Variants in CHN2 observed in about 807,000 individuals in gnomAD.
CHN2 encodes beta-chimaerin.
Under a neutral mutation model 56.3 loss-of-function variants are expected in CHN2, and 35 were observed. The observed-to-expected ratio is 0.62, with a 90% CI of 0.47 to 0.82. The LOEUF is 0.82. Among genes scored for constraint, CHN2 ranks in the 40% least tolerant of loss-of-function variants. The pLI is 0.00. For synonymous variants in CHN2, 210 were observed against 212.8 expected, an observed-to-expected ratio of 0.99 and a Z score of 0.12; for missense variants, 491 against 580.5, an observed-to-expected ratio of 0.85 and a Z score of 1.58.
intron 3 of CHN2, among the ~76,000 whole-genome samples, chr7:29,370,721 A>C (rs1285901235): frequency 1.3e-5 from 2 of 152,154 alleles, no homozygotes; most frequent in East Asian, 3.9e-4. Flanking sequence ...GTGTGCAATT[A>C]GAGAGATGTG....
At chr7:29,355,497 A>G (rs1203480161) in intron 2 of CHN2, among the ~76,000 whole-genome samples, 1 of 152,078 alleles carries the variant, frequency 6.6e-6, no homozygotes, top group East Asian at 1.9e-4. Context: ...GCAGGCGGCT[A>G]TCATTGCCTA....
intron 6 of CHN2, among the ~76,000 whole-genome samples, chr7:29,456,345 G>T (rs1390004909): frequency 6.6e-6 from 1 of 152,202 alleles, no homozygotes; most frequent in Admixed American, 6.5e-5. Flanking sequence ...GCTTCTTGAA[G>T]TGAGGTTTGC....
intron 1 of CHN2, among the ~76,000 whole-genome samples, chr7:29,253,546 G>A (rs531036686): frequency 2.0e-4 from 31 of 152,160 alleles, no homozygotes; most frequent in Non-Finnish European, 3.7e-4. Context: ...ATGGATTTGG[G>A]GTAGGAAACT....
At chr7:29,424,020 G>A (rs1430570011) in intron 6 of CHN2, among the ~76,000 whole-genome samples, 1 of 152,168 alleles carries the variant, frequency 6.6e-6, no homozygotes, top group Non-Finnish European at 1.5e-5. Flanking sequence ...ACATGAGGTT[G>A]CCTAATTTGC....
chr7:29,320,232 A>G (rs1215770463), intron 1 of CHN2, among the ~76,000 whole-genome samples: 1 of 152,190 alleles, frequency 6.6e-6, no homozygotes, highest in Non-Finnish European at 1.5e-5. Flanking sequence ...CTTAACCACC[A>G]TGCCGAGTGA....
intron 2 of CHN2, chr7:29,181,241 C>G (rs911707696): frequency 6.6e-6 from 1 of 152,150 alleles, no homozygotes; most frequent in African/African-American, 2.4e-5. Context: ...TTTTCATAGC[C>G]TTTGACCAAG....
At chr7:29,155,519 CAT>C (rs991742592) in intron 2 of CHN2, among the ~76,000 whole-genome samples, 3 of 152,160 alleles carry the variant, frequency 2.0e-5, no homozygotes, top group Non-Finnish European at 2.9e-5. Context: ...GATGTTCAAA[CAT>C]GTGTCCAAGA....
chr7:29,506,745 AAAAC>A lies in CHN2; in HGVS notation c.992-470_992-467del, dbSNP rs376822834. ...GGATCAGGGAGGAAGGATCAAGTTA[AAAAC>A]AAACAAACAAACCCTTCAGTGAGCC... On this transcript the variant is annotated intron_variant, in intron 10 of 12. Coordinates refer to ENST00000222792, the MANE Select transcript of CHN2 (RefSeq NM_004067.4). Among the ~76,000 whole-genome samples the A allele has an allele frequency of 3.1e-3, 468 of 152,330 alleles. 4 individuals are homozygous for A. The highest frequency in any genetic ancestry group is 0.011 in the African/African-American group (446 of 41,578).
chr7:29,219,588 A>G (rs955691888), intron 1 of CHN2, among the ~76,000 whole-genome samples: 1 of 152,190 alleles, frequency 6.6e-6, no homozygotes, highest in Non-Finnish European at 1.5e-5. Flanking sequence ...GTTTAAATCT[A>G]GTAGGTTTTA....
At chr7:29,187,494 T>C (rs186929837) in intron 2 of CHN2, among the ~76,000 whole-genome samples, 424 of 152,032 alleles carry the variant, frequency 2.8e-3, no homozygotes, top group African/African-American at 6.4e-3. Context: ...GAGGCCGAGG[T>C]GGGCGGATCA....
At chr7:29,289,402 G>A (rs761346128) in intron 1 of CHN2, among the ~76,000 whole-genome samples, 1 of 152,100 alleles carries the variant, frequency 6.6e-6, no homozygotes, top group African/African-American at 2.4e-5. Context: ...CTTGGTTTAA[G>A]CAAGGCAACA....
At chr7:29,283,183 C>T (rs1791859811) in intron 1 of CHN2, among the ~76,000 whole-genome samples, 1 of 152,190 alleles carries the variant, frequency 6.6e-6, no homozygotes, top group African/African-American at 2.4e-5. Flanking sequence ...TTAGAGCTTT[C>T]CTTACGTGCT....
intron 1 of CHN2, among the ~76,000 whole-genome samples, chr7:29,308,814 C>A (rs939473258): frequency 1.3e-5 from 2 of 152,246 alleles, no homozygotes; most frequent in Admixed American, 1.3e-4. Context: ...AGATCTGTCT[C>A]ATTAGCCTCT....
chr7:29,504,584 G>C (rs1051571179), intron 9 of CHN2, among the ~76,000 whole-genome samples, 160 bp from the exon 10 acceptor site: 1 of 152,156 alleles, frequency 6.6e-6, no homozygotes, highest in South Asian at 2.1e-4. Context: ...AATTGAGACA[G>C]ACAAGTCCAA....
chr7:29,321,426 G>C (rs1795338366), intron 1 of CHN2, among the ~76,000 whole-genome samples: 1 of 152,118 alleles, frequency 6.6e-6, no homozygotes, highest in Non-Finnish European at 1.5e-5. Flanking sequence ...TCGTTTTATA[G>C]ATGAGGAAGC....
At chr7:29,453,051 C>T (rs1210258051) in intron 6 of CHN2, among the ~76,000 whole-genome samples, 1 of 152,212 alleles carries the variant, frequency 6.6e-6, no homozygotes, top group Non-Finnish European at 1.5e-5. Flanking sequence ...GTTGTTGACA[C>T]TGATTCTTCA....
rs1004197045 is a variant in CHN2 at position 29,367,801 on chromosome 7, G to A, written c.89-131G>A. 6.1e-5 allele frequency: 38 copies of A among 622,992 alleles called. No homozygotes were observed. In the East Asian group the frequency reaches 9.6e-4, roughly 16 times the overall value. 38.6% of individuals were successfully genotyped at this position (622,992 alleles called of 1,614,324 possible). A position where few individuals can be genotyped will look rare whatever the true frequency, so the allele number is the denominator to read the frequency against. ...TTTTTCCAGTCTAAAAAATGTGCCT[G>A]TATTCTCTTGTTTTTTTATATTTAC... On this transcript the variant is annotated intron_variant, in intron 2 of 12. Transcript: ENST00000222792.
At chr7:29,354,964 A>ATTTATTTATTT (rs1233512735) in intron 2 of CHN2, among the ~76,000 whole-genome samples, 7 of 149,410 alleles carry the variant, frequency 4.7e-5, no homozygotes, top group African/African-American at 1.7e-4. Context: ...TTATTTATTT[A>ATTTATTTATTT]TTTATTTATT....
intron 1 of CHN2, among the ~76,000 whole-genome samples, chr7:29,320,982 C>T (rs920573756): frequency 6.6e-6 from 1 of 152,184 alleles, no homozygotes; most frequent in African/African-American, 2.4e-5. Flanking sequence ...AAATTTCTCC[C>T]TCATGGGACA....
Sources: allele counts gnomAD v4.1 joint callset (sites outside exome capture counted in the v4.1 genomes callset), GRCh38; gene constraint gnomAD v4.1.1; transcripts MANE v1.5; gene names NCBI Gene and HGNC (gene_info 2026-07-23, HGNC 2026-07-21).